Variants in SORCS2 observed in about 807,000 individuals in gnomAD.
The protein encoded by SORCS2 is VPS10 domain-containing receptor SorCS2.
SORCS2 carries 100 observed loss-of-function variants against 141.6 expected under a neutral mutation model. The ratio of observed to expected loss-of-function variants is 0.71; its 90% CI spans 0.60 to 0.83. The LOEUF is 0.83. Ranked by LOEUF, SORCS2 falls within the 40% of genes least tolerant of loss-of-function variation. The probability of loss-of-function intolerance (pLI) is 0.00; values close to 1 mark genes in which losing one functional copy is unlikely to be tolerated. For synonymous variants in SORCS2, 789 were observed against 676.9 expected (o/e 1.17, Z -2.57); for missense variants, 1,646 against 1,560.2 (o/e 1.05, Z -0.93).
rs375569651 is a variant in SORCS2 at position 7,317,683 on chromosome 4, G to T, written c.481-78605G>T. On this transcript the variant is annotated intron_variant, in intron 1 of 26. Transcript: ENST00000507866. ...TTTCCAGGGCTGAGGCTTAGGACTT[G>T]GGGGCCTAAGCCTCCCTTTGTCTTA... is the stretch of plus-strand genomic sequence containing the variant. 2.2e-3 allele frequency among the ~76,000 whole-genome samples: 341 copies of T among 152,088 alleles called. 1 individual carries two copies. The highest frequency in any genetic ancestry group is 3.4e-3 in the Non-Finnish European group (232 of 67,998).
chr4:7,313,163 C>T (rs1718303865), intron 1 of SORCS2, among the ~76,000 whole-genome samples: 1 of 152,234 alleles, frequency 6.6e-6, no homozygotes, highest in Non-Finnish European at 1.5e-5. Flanking sequence ...ATGATGGATT[C>T]CATTTCCGAT....
intron 3 of SORCS2, among the ~76,000 whole-genome samples, chr4:7,532,914 G>A (rs1177811703): frequency 6.6e-6 from 1 of 152,140 alleles, no homozygotes; most frequent in Non-Finnish European, 1.5e-5. Flanking sequence ...CAGAGGGGAG[G>A]TGAGGGAGAC....
Position 7,417,492 on chromosome 4 carries a change from G to A in SORCS2, c.548+21137G>A, listed in dbSNP as rs148744047. 2.7e-3 allele frequency among the ~76,000 whole-genome samples: 417 copies of A among 152,258 alleles called. 2 individuals are homozygous for A. The highest frequency in any genetic ancestry group is 9.9e-3 in the East Asian group (51 of 5,172). Reference sequence around the variant, plus strand: ...TTTGTCTGAGTTTGGGAGAAGCATGGGCACCCTAATTCTGGAAGTCTCAGC... The same window carrying A: ...TTTGTCTGAGTTTGGGAGAAGCATGAGCACCCTAATTCTGGAAGTCTCAGC... On this transcript the variant is annotated intron_variant, in intron 2 of 26. Coordinates refer to ENST00000507866, the MANE Select transcript of SORCS2 (RefSeq NM_020777.3).
intron 2 of SORCS2, among the ~76,000 whole-genome samples, chr4:7,426,887 C>T (rs879852775): frequency 3.9e-5 from 6 of 152,174 alleles, no homozygotes; most frequent in Admixed American, 2.0e-4. Context: ...CGGCAATGCC[C>T]AGTTGTGCTG....
chr4:7,591,187 C>T (rs1716891004), intron 3 of SORCS2, among the ~76,000 whole-genome samples: 1 of 152,198 alleles, frequency 6.6e-6, no homozygotes, highest in East Asian at 1.9e-4. Flanking sequence ...TCTTCCTCCT[C>T]CCACCTTCTC....
chr4:7,661,760 C>A (rs1324834699), intron 6 of SORCS2, among the ~76,000 whole-genome samples, 196 bp downstream of exon 6: 1 of 152,188 alleles, frequency 6.6e-6, no homozygotes, highest in African/African-American at 2.4e-5. Flanking sequence ...GAGCTCCACT[C>A]CAGTGGAAAA....
At position 7,270,393 on chromosome 4, in the gene SORCS2, C is replaced by G. The variant is rs577560236; in HGVS notation, c.480+77267C>G. Among the ~76,000 whole-genome samples the G allele has an allele frequency of 1.0e-3, 157 of 152,356 alleles. 7 individuals are homozygous for G. Among genetic ancestry groups the G allele is most frequent in the Admixed American group, 4.6e-4 (7 of 15,308 alleles). Reference sequence around the variant, plus strand: ...GAGCTGCGCTGGTCCTGTCTAAACCCCGGCTCCGGGAAGCCACCTGTGCTG... The same window carrying G: ...GAGCTGCGCTGGTCCTGTCTAAACCGCGGCTCCGGGAAGCCACCTGTGCTG... On this transcript the variant is annotated intron_variant, in intron 1 of 26. Transcript: ENST00000507866.
At chr4:7,459,490 C>T (rs981437272) in intron 2 of SORCS2, among the ~76,000 whole-genome samples, 6 of 152,116 alleles carry the variant, frequency 3.9e-5, no homozygotes, top group East Asian at 3.9e-4. Flanking sequence ...CCCAGGTGGA[C>T]GTGAGAGTTG....
At chr4:7,400,664 TGGAC>T (rs1196049692) in intron 2 of SORCS2, among the ~76,000 whole-genome samples, 1 of 152,184 alleles carries the variant, frequency 6.6e-6, no homozygotes, top group Non-Finnish European at 1.5e-5. Context: ...GATGGATGGA[TGGAC>T]AGATGGACGA....
intron 1 of SORCS2, among the ~76,000 whole-genome samples, chr4:7,325,774 C>A (rs188146179): frequency 2.6e-5 from 4 of 152,188 alleles, no homozygotes; most frequent in African/African-American, 4.8e-5. Context: ...TCCCTCCCCC[C>A]ACGCCCACCC....
chr4:7,427,035 G>A (rs1726491362), intron 2 of SORCS2, among the ~76,000 whole-genome samples: 1 of 152,198 alleles, frequency 6.6e-6, no homozygotes, highest in South Asian at 2.1e-4. Flanking sequence ...CACAGGGAAA[G>A]AGCGGTGGTT....
At chr4:7,721,992 C>G (rs1377129790) in intron 18 of SORCS2, among the ~76,000 whole-genome samples, 1 of 152,150 alleles carries the variant, frequency 6.6e-6, no homozygotes, top group Non-Finnish European at 1.5e-5. Context: ...TGTTCTTTTT[C>G]TTTGCTTTAC....
chr4:7,427,998 C>T (rs1726575476), intron 2 of SORCS2, among the ~76,000 whole-genome samples: 1 of 152,150 alleles, frequency 6.6e-6, no homozygotes, highest in Admixed American at 6.5e-5. Flanking sequence ...CAGGTTCGCT[C>T]ACCTGGGGTC....
chr4:7,714,446 C>T (rs1375312970), intron 16 of SORCS2, 73 bp downstream of exon 16: 65 of 1,495,806 alleles, frequency 4.3e-5, no homozygotes, highest in Non-Finnish European at 5.8e-5. Context: ...GGCCACTTCC[C>T]TCAGAGTGAG....
chr4:7,277,768 G>T (rs574609816), intron 1 of SORCS2, among the ~76,000 whole-genome samples: 3 of 152,252 alleles, frequency 2.0e-5, no homozygotes, highest in Admixed American at 6.5e-5. Context: ...CCTGCCTACC[G>T]TGCCCGTCCT....
At chr4:7,451,065 T>A (rs1299307140) in intron 2 of SORCS2, among the ~76,000 whole-genome samples, 2 of 151,988 alleles carry the variant, frequency 1.3e-5, no homozygotes, top group Non-Finnish European at 2.9e-5. Context: ...AGTGAATGGA[T>A]GGGAGAGTGA....
intron 1 of SORCS2, among the ~76,000 whole-genome samples, chr4:7,249,393 A>G (rs1006030472): frequency 1.3e-5 from 2 of 152,178 alleles, no homozygotes; most frequent in Admixed American, 6.5e-5. Context: ...GAAGCCACCT[A>G]TGTCTTAAGG....
intron 1 of SORCS2, among the ~76,000 whole-genome samples, chr4:7,321,737 CT>C (rs1474606879): frequency 6.6e-6 from 1 of 152,154 alleles, no homozygotes; most frequent in Non-Finnish European, 1.5e-5. Flanking sequence ...GTTGAGCCCC[CT>C]GGGGGAAGAA....
intron 2 of SORCS2, among the ~76,000 whole-genome samples, chr4:7,521,577 C>A (rs1038545581): frequency 1.3e-5 from 2 of 152,178 alleles, no homozygotes; most frequent in African/African-American, 2.4e-5. Flanking sequence ...GGGTCCTGGG[C>A]GCCACAGCGG....
Sources: allele counts gnomAD v4.1 joint callset (sites outside exome capture counted in the v4.1 genomes callset), GRCh38; gene constraint gnomAD v4.1.1; transcripts MANE v1.5; gene names NCBI Gene and HGNC (gene_info 2026-07-23, HGNC 2026-07-21).